The following TFB1M variants were observed in gnomAD, a reference collection of about 807,000 sequenced individuals.
TFB1M encodes the protein transcription factor B1, mitochondrial.
TFB1M carries 27 observed loss-of-function variants against 31.1 expected under a neutral mutation model. The observed-to-expected ratio is 0.87, with a 90% CI of 0.64 to 1.20. The LOEUF (loss-of-function observed/expected upper bound fraction) is 1.20. Among genes scored for constraint, TFB1M ranks in the 50% most tolerant of loss-of-function variants. TFB1M has a pLI of 0.00. For synonymous variants in TFB1M, 166 were observed against 151.8 expected (o/e 1.09, Z -0.69); for missense variants, 394 against 418.7 (o/e 0.94, Z 0.51).
At chr6:155,240,409 A>G in the TFB1M span, 1 of 1,070,988 alleles carries the variant, frequency 9.3e-7, no homozygotes, top group Admixed American at 2.7e-5. Context: ...CCTTTGCCCT[A>G]CACAGAGGCC....
intron 1 of TFB1M, 182 bp downstream of exon 1, chr6:155,314,114 C>A (rs1319457706): frequency 1.1e-5 from 16 of 1,484,826 alleles, no homozygotes; most frequent in Non-Finnish European, 1.3e-5. Flanking sequence ...GCAATCAACG[C>A]ACTTCACGTG....
chr6:155,245,755 G>GTTTTTTTTTTTTTTTTTTTTTTTTTTT, the TFB1M span: 1 of 920,100 alleles, frequency 1.1e-6, no homozygotes, highest in Non-Finnish European at 1.5e-6. Context: ...GCCTTTTATA[G>GTTTTTTTTTTTTTTTTTTTTTTTTTTT]TTTTTTTTTT....
chr6:155,273,677 A>C (rs1274374098), intron 5 of TFB1M, among the ~76,000 whole-genome samples: 2 of 152,048 alleles, frequency 1.3e-5, no homozygotes, highest in Non-Finnish European at 2.9e-5. Context: ...TTTCAGCAGG[A>C]AGTGTTGTGG....
the TFB1M span, chr6:155,232,547 CAGG>C: frequency 6.6e-6 from 1 of 152,130 alleles, no homozygotes; most frequent in Non-Finnish European, 1.5e-5. Flanking sequence ...TATTTCGGTG[CAGG>C]AGGAGCAGCA....
intron 4 of TFB1M, among the ~76,000 whole-genome samples, chr6:155,287,638 G>A (rs780199553): frequency 8.6e-5 from 13 of 151,348 alleles, no homozygotes; most frequent in South Asian, 2.1e-4. Context: ...TAATGATGAC[G>A]AAAGTTTAAG....
At position 155,275,669 on chromosome 6, in the gene TFB1M, T is replaced by C; in HGVS notation, c.666+9489A>G. ...GAAATAGATAGAATTCTGACAGCCA[T>C]CATTGTTAAACATCAGGATTTTCTA... On this transcript the variant is annotated intron_variant, in intron 5 of 6. Coordinates refer to ENST00000367166, the MANE Select transcript of TFB1M (RefSeq NM_016020.4). The C allele has an allele frequency of 2.7e-6, 4 of 1,502,798 alleles. 1 individual carries two copies. The highest frequency in any genetic ancestry group is 3.6e-6 in the Non-Finnish European group (4 of 1,100,154). 93.1% of individuals were successfully genotyped at this position (1,502,798 alleles called of 1,614,324 possible).
chr6:155,265,017 G>T (rs543927279), intron 5 of TFB1M, among the ~76,000 whole-genome samples: 1 of 152,184 alleles, frequency 6.6e-6, no homozygotes, highest in Non-Finnish European at 1.5e-5. Flanking sequence ...GGAGTTCCTG[G>T]ATGATCAGAG....
At chr6:155,269,324 CTTTT>C (rs60162262) in intron 5 of TFB1M, among the ~76,000 whole-genome samples, 1 of 127,268 alleles carries the variant, frequency 7.9e-6, no homozygotes, top group Non-Finnish European at 1.6e-5. Context: ...CTTTTCTTTT[CTTTT>C]TTTTTTTTTT....
rs532523784 is a variant in TFB1M at position 155,287,582 on chromosome 6, G to GTGTGTGTGTA, written c.547-2306_547-2305insTACACACACA. On this transcript the variant is annotated intron_variant, in intron 4 of 6. Transcript: ENST00000367166. The stretch of plus-strand genomic sequence containing the variant: ...TGTGTGTGTGTGTGTGTGTATGTGT[G>GTGTGTGTGTA]TGTGGTGTATTTATCTGCAATGTAA... Among the ~76,000 whole-genome samples, 1,395 of 151,128 alleles carry GTGTGTGTGTA rather than the reference G, an allele frequency of 9.2e-3. 14 individuals carry two copies. The highest frequency in any genetic ancestry group is 0.012 in the Non-Finnish European group (793 of 67,876).
intron 4 of TFB1M, among the ~76,000 whole-genome samples, chr6:155,296,246 T>C (rs925688477): frequency 6.6e-6 from 1 of 151,956 alleles, no homozygotes; most frequent in African/African-American, 2.4e-5. Flanking sequence ...CAGCTCCAAA[T>C]TGATTATCAC....
At chr6:155,265,514 C>T (rs1784589035) in intron 5 of TFB1M, among the ~76,000 whole-genome samples, 1 of 148,116 alleles carries the variant, frequency 6.8e-6, no homozygotes, top group South Asian at 2.2e-4. Flanking sequence ...AGAAGAAGAA[C>T]ATTATTTTAG....
intron 5 of TFB1M, among the ~76,000 whole-genome samples, chr6:155,283,181 G>A (rs1318707306): frequency 2.0e-5 from 3 of 152,048 alleles, no homozygotes; most frequent in Non-Finnish European, 4.4e-5. Context: ...CTGTAATCCC[G>A]GCACTTTGGG....
At chr6:155,303,419 T>C (rs1231397396) in intron 2 of TFB1M, 1 of 152,256 alleles carries the variant, frequency 6.6e-6, no homozygotes, top group Non-Finnish European at 1.5e-5. Context: ...GTAACAACTG[T>C]TACTTCTTAC....
chr6:155,268,199 T>A (rs1167141716), intron 5 of TFB1M, among the ~76,000 whole-genome samples: 2 of 152,166 alleles, frequency 1.3e-5, no homozygotes, highest in African/African-American at 2.4e-5. Flanking sequence ...AGTCTGTCTG[T>A]CTCCAATTCT....
chr6:155,261,804 A>G (rs1784406435), intron 5 of TFB1M, among the ~76,000 whole-genome samples: 1 of 152,206 alleles, frequency 6.6e-6, no homozygotes, highest in African/African-American at 2.4e-5. Flanking sequence ...CATGCTGAGA[A>G]TGTGCCAAGC....
intron 6 of TFB1M, 80 bp downstream of exon 6, chr6:155,260,193 G>A (rs1481662942): frequency 1.4e-6 from 2 of 1,470,832 alleles, no homozygotes; most frequent in East Asian, 4.5e-5. Context: ...TAAGAATAGA[G>A]CAAACAAGGT....
At position 155,257,188 on chromosome 6, in the gene TFB1M, TGCA is replaced by T; in HGVS notation, c.*645_*647del. On this transcript the variant is annotated 3_prime_UTR_variant, in exon 7 of 7. Coordinates refer to ENST00000367166, the MANE Select transcript of TFB1M (RefSeq NM_016020.4). ...TTTAAACTGGTGGTAAAGTGGAAATTGCAAAAAAAAAAAAAAAAAAAAACTGTT... is the reference window on the plus strand; with the variant it reads ...TTTAAACTGGTGGTAAAGTGGAAATTAAAAAAAAAAAAAAAAAAAACTGTT... The T allele has an allele frequency of 1.1e-6, 1 of 910,508 alleles. No individual in the cohort carries two copies. The highest frequency in any genetic ancestry group is 2.4e-5 in the African/African-American group (1 of 41,056). The allele number at this position is 910,508 out of a possible 1,614,324, so 56.4% of individuals were successfully genotyped here. A position where few individuals can be genotyped will look rare whatever the true frequency, so the allele number is the denominator to read the frequency against.
chr6:155,311,134 TAA>T, intron 2 of TFB1M, 52 bp downstream of exon 2: 1 of 1,601,902 alleles, frequency 6.2e-7, no homozygotes, highest in South Asian at 1.1e-5. Context: ...CATCATGGCA[TAA>T]AGATTTAAAT....
intron 2 of TFB1M, among the ~76,000 whole-genome samples, chr6:155,310,680 T>C (rs933465110): frequency 7.9e-5 from 12 of 152,234 alleles, no homozygotes; most frequent in African/African-American, 2.4e-4. Context: ...TACAACTTCC[T>C]TCCTTCACTT....
Sources: gnomAD v4.1 joint callset for allele counts (sites outside exome capture counted in the v4.1 genomes callset) on GRCh38, gnomAD v4.1.1 for gene constraint, MANE v1.5 for transcripts, NCBI Gene and HGNC (gene_info 2026-07-23, HGNC 2026-07-21) for gene names.